TMEM68: variants seen among roughly 807,000 people sequenced by gnomAD.
The protein encoded by TMEM68 is DGAT1/2-independent enzyme synthesizing storage lipids.
In TMEM68, 25 loss-of-function variants were observed where a neutral mutation model predicts 36.9. The ratio of observed to expected loss-of-function variants is 0.68; its 90% CI spans 0.49 to 0.95. The LOEUF (loss-of-function observed/expected upper bound fraction) is 0.95, where lower values mean the gene tolerates loss of function less well. Ranked by LOEUF, TMEM68 falls within the 40% of genes least tolerant of loss-of-function variation. TMEM68 has a pLI of 0.00. For synonymous variants in TMEM68, 131 were observed against 124.4 expected, an observed-to-expected ratio of 1.05 and a Z score of -0.35; for missense variants, 333 against 392.0, an observed-to-expected ratio of 0.85 and a Z score of 1.27.
At position 55,764,704 on chromosome 8, in the gene TMEM68, G is replaced by C. The variant is rs143646665; in HGVS notation, c.-114-724C>G. 3.1e-3 allele frequency among the ~76,000 whole-genome samples: 477 copies of C among 152,304 alleles called. 2 individuals carry two copies. Among genetic ancestry groups the C allele is most frequent in the African/African-American group, 0.011 (457 of 41,558 alleles). On this transcript the variant is annotated intron_variant, in intron 1 of 7. Transcript: ENST00000434581. ...AGAAATCTGGTCTGTTATGGTTACA[G>C]GAGATGAACATAGCAAACATTGAGC...
At chr8:55,763,717 C>CATGTTTTTATCTTAG (rs1260261436) in intron 2 of TMEM68, 1 of 47,012 alleles carries the variant, frequency 2.1e-5, no homozygotes, top group Non-Finnish European at 5.6e-5. Context: ...CAAAAGAAAA[C>CATGTTTTTATCTTAG]ATCAATATCT....
In TMEM68 at chr8:55,762,661, C is replaced by CA. The variant is rs774684046; in HGVS notation, c.298dup (p.Trp100LeufsTer12). On this transcript the variant is annotated frameshift_variant, in exon 3 of 8. Coordinates refer to ENST00000434581, the MANE Select transcript of TMEM68 (RefSeq NM_001286657.2). LOFTEE classifies it high-confidence loss of function. ...ATGCCAAACGGCTGCATGTCCATCC[C>CA]ACAGAGTTGCCACTGTTTTCCTTGC... is the stretch of plus-strand genomic sequence containing the variant. 1 of 1,614,188 alleles carries CA rather than the reference C, an allele frequency of 6.2e-7. No homozygotes were observed. The highest frequency in any genetic ancestry group is 8.5e-7 in the Non-Finnish European group (1 of 1,180,026).
At chr8:55,747,018 G>C (rs1260990300) in intron 5 of TMEM68, 1 of 152,224 alleles carries the variant, frequency 6.6e-6, no homozygotes, top group Non-Finnish European at 1.5e-5. Flanking sequence ...GAAATAGACA[G>C]CAGCAATCTC....
intron 3 of TMEM68, chr8:55,761,913 T>G (rs1239202763): frequency 6.6e-6 from 1 of 152,192 alleles, no homozygotes; most frequent in Non-Finnish European, 1.5e-5. Flanking sequence ...CTATTGAATC[T>G]TCAGTATTTT....
At chr8:55,742,959 A>C (rs1016029789) in intron 7 of TMEM68, among the ~76,000 whole-genome samples, 3 of 152,130 alleles carry the variant, frequency 2.0e-5, no homozygotes, top group African/African-American at 7.2e-5. Context: ...CTTCTGTCAC[A>C]CAAATTTACT....
chr8:55,754,440 C>A (rs1810508935), intron 4 of TMEM68, among the ~76,000 whole-genome samples: 1 of 103,150 alleles, frequency 9.7e-6, no homozygotes, highest in African/African-American at 4.1e-5. Flanking sequence ...AAGACTCTGT[C>A]TCGAATATAT....
intron 4 of TMEM68, 66 bp from the exon 5 acceptor site, chr8:55,751,223 T>C (rs1810420372): frequency 7.1e-7 from 1 of 1,417,954 alleles, no homozygotes; most frequent in Non-Finnish European, 9.6e-7. Context: ...AAAAGAAAAA[T>C]CTTCACAAAC....
chr8:55,742,914 C>T (rs1027096699), intron 7 of TMEM68, among the ~76,000 whole-genome samples: 5 of 151,668 alleles, frequency 3.3e-5, no homozygotes, highest in Non-Finnish European at 5.9e-5. Flanking sequence ...ACATTACTGA[C>T]CATTCCCACT....
At chr8:55,769,018 T>TAAAAAAAAAAAA (rs200493179) in intron 1 of TMEM68, among the ~76,000 whole-genome samples, 15 of 82,088 alleles carry the variant, frequency 1.8e-4, no homozygotes, top group African/African-American at 5.5e-4. Context: ...ACTCTGTCTT[T>TAAAAAAAAAAAA]AAAAAAAAAA....
Position 55,756,355 on chromosome 8 carries a change from A to T in TMEM68, c.382T>A (p.Phe128Ile). 3 of 1,604,354 alleles carry T rather than the reference A, an allele frequency of 1.9e-6. No homozygotes were observed. The highest frequency in any genetic ancestry group is 2.5e-6 in the Non-Finnish European group (3 of 1,176,958). ...IPEDGPALII[F>I]YHGAIPIDFY... ...TCTATAGGAATAGCTCCATGATAAA[A>T]AATTATAAGTGCTGGTCCATCTTCT... The change falls in exon 4 of 8, where the codon TTT (phenylalanine) becomes ATT (isoleucine). Residue 128 changes from phenylalanine to isoleucine, a missense_variant. Transcript: ENST00000434581.
intron 1 of TMEM68, among the ~76,000 whole-genome samples, chr8:55,767,792 C>G (rs1258116586): frequency 6.6e-6 from 1 of 152,116 alleles, no homozygotes; most frequent in East Asian, 1.9e-4. Flanking sequence ...ACAAAATTAG[C>G]CGGGCGTGGT....
chr8:55,752,938 C>T (rs1810464333), intron 4 of TMEM68, among the ~76,000 whole-genome samples: 1 of 151,592 alleles, frequency 6.6e-6, no homozygotes, highest in African/African-American at 2.4e-5. Context: ...GCTATGTTGC[C>T]CAGGGTGGTT....
intron 6 of TMEM68, 77 bp downstream of exon 6, chr8:55,744,984 G>A (rs1253753904): frequency 7.7e-6 from 7 of 906,152 alleles, no homozygotes; most frequent in Non-Finnish European, 9.4e-6. Context: ...AATTCAAAAG[G>A]TTTCCTTGTA....
intron 1 of TMEM68, among the ~76,000 whole-genome samples, chr8:55,766,610 T>C (rs1311481977): frequency 6.6e-6 from 1 of 151,992 alleles, no homozygotes; most frequent in Admixed American, 6.6e-5. Context: ...TCTCCTGAAC[T>C]TGTGATCCGC....
Position 55,762,795 on chromosome 8 carries a change from T to C in TMEM68, c.165A>G (p.Ile55Met). The change falls in exon 3 of 8, where the codon ATA (isoleucine) becomes ATG (methionine). Residue 55 changes from isoleucine to methionine, a missense_variant. Coordinates refer to ENST00000434581, the MANE Select transcript of TMEM68 (RefSeq NM_001286657.2). ...GAAGAAAGATAGTAAAGTAAGGAAG[T>C]ATTAAAAGTATTAGTGGTGTAAAAA... ...LWVFTPLILL[I>M]LPYFTIFLLY... 1 of 1,614,080 alleles carries C rather than the reference T, an allele frequency of 6.2e-7. No individual in the cohort carries two copies. The highest frequency in any genetic ancestry group is 1.3e-5 in the African/African-American group (1 of 75,050).
chr8:55,763,659 A>T (rs999505652), intron 2 of TMEM68: 1 of 152,244 alleles, frequency 6.6e-6, no homozygotes, highest in Non-Finnish European at 1.5e-5. Context: ...AAGTGCTGAG[A>T]TTACAGGCAT....
rs1209520701 is a variant in TMEM68 at position 55,751,173 on chromosome 8, G to A, written c.494-16C>T. The A allele has an allele frequency of 3.2e-6, 5 of 1,569,990 alleles. No individual in the cohort carries two copies. Among genetic ancestry groups the A allele is most frequent in the Non-Finnish European group, 4.3e-6 (5 of 1,161,716 alleles). Reference sequence around the variant, plus strand: ...AAACTAAACCCTGTAAGAAACATGAGTATGAAGTTACAACATAAGTATTTC... The same window carrying A: ...AAACTAAACCCTGTAAGAAACATGAATATGAAGTTACAACATAAGTATTTC... On this transcript the variant is annotated splice_polypyrimidine_tract_variant and intron_variant, in intron 4 of 7. Transcript: ENST00000434581.
At position 55,767,692 on chromosome 8, in the gene TMEM68, C is replaced by T. The variant is rs964147723; in HGVS notation, c.-114-3712G>A. 3.9e-5 allele frequency among the ~76,000 whole-genome samples: 6 copies of T among 152,184 alleles called. No homozygotes were observed. The East Asian group carries it at 9.6e-4, about 24-fold the overall frequency. On this transcript the variant is annotated intron_variant, in intron 1 of 7. Transcript: ENST00000434581. ...GTGGCTCACACCTGTAAACCCAGCA[C>T]TTTGGGAGGCCGAGGCGGGAGGATC...
intron 3 of TMEM68, among the ~76,000 whole-genome samples, chr8:55,757,410 T>G (rs1003076007): frequency 2.0e-5 from 3 of 152,238 alleles, no homozygotes; most frequent in African/African-American, 7.2e-5. Context: ...AAGCCCCAGA[T>G]AGTCACTCTC....
Sources: gnomAD v4.1 joint callset for allele counts (sites outside exome capture counted in the v4.1 genomes callset) on GRCh38, gnomAD v4.1.1 for gene constraint, MANE v1.5 for transcripts, NCBI Gene and HGNC (gene_info 2026-07-23, HGNC 2026-07-21) for gene names.